The following FLNB variants were observed in gnomAD, a reference collection of about 807,000 sequenced individuals.
FLNB encodes the protein filamin-B.
Under a neutral mutation model 250.6 loss-of-function variants are expected in FLNB, and 111 were observed. The ratio of observed to expected loss-of-function variants is 0.44; its 90% CI spans 0.38 to 0.52. The LOEUF (loss-of-function observed/expected upper bound fraction) is 0.52. FLNB is among the 20% of genes least tolerant of loss of function. The pLI, the probability that FLNB is intolerant of heterozygous loss-of-function variation, is 0.00. For missense variants in FLNB, 2,869 were observed against 3,447.8 expected (o/e 0.83, Z 4.20); for synonymous variants, 1,302 against 1,372.1 (o/e 0.95, Z 1.13).
chr3:58,106,507 C>T (rs1455928093), intron 11 of FLNB, among the ~76,000 whole-genome samples, 173 bp from the exon 12 acceptor site: 1 of 151,320 alleles, frequency 6.6e-6, no homozygotes, highest in African/African-American at 2.4e-5. Flanking sequence ...CCACCCCTTC[C>T]ATCTCTACTG....
chr3:58,065,164 C>G (rs934685572), intron 1 of FLNB, among the ~76,000 whole-genome samples: 1 of 152,224 alleles, frequency 6.6e-6, no homozygotes, highest in African/African-American at 2.4e-5. Flanking sequence ...CATACGCTGC[C>G]TGTCCACCAT....
intron 5 of FLNB, among the ~76,000 whole-genome samples, chr3:58,095,685 G>A (rs756439022): frequency 3.3e-5 from 5 of 152,088 alleles, no homozygotes; most frequent in South Asian, 2.1e-4. Context: ...ACTTATTTTC[G>A]TAGGACCATA....
rs763982522 is a variant in FLNB, at chr3:58,111,837, A to G, written c.2531A>G (p.Asp844Gly). 1 of 1,614,182 alleles carries G rather than the reference A, an allele frequency of 6.2e-7. No homozygotes were observed. Among genetic ancestry groups the G allele is most frequent in the South Asian group, 1.1e-5 (1 of 91,088 alleles). Residue 844 changes from aspartate (D) to glycine (G), a missense_variant, in exon 17 of 46, where the codon GAT (aspartate) becomes GGT (glycine). Physicochemically the swap from Asp to Gly is moderately conservative, Grantham distance 94. Coordinates refer to ENST00000295956, the MANE Select transcript of FLNB (RefSeq NM_001457.4). ...AGAGTCAAAGTTGACCCTTCCCACG[A>G]TGCCAGCAAAGTGAAGGCAGAAGGC... ...PFRVKVDPSHDASKVKAEGPG... is the reference protein window; with the variant it reads ...PFRVKVDPSHGASKVKAEGPG...
intron 1 of FLNB, among the ~76,000 whole-genome samples, chr3:58,048,891 G>A (rs760535192): frequency 5.9e-5 from 9 of 152,028 alleles, no homozygotes; most frequent in Non-Finnish European, 8.8e-5. Flanking sequence ...TTTAAACATT[G>A]GCTTTTACAG....
chr3:58,044,999 T>C (rs763032134), intron 1 of FLNB, among the ~76,000 whole-genome samples: 1 of 152,228 alleles, frequency 6.6e-6, no homozygotes, highest in Non-Finnish European at 1.5e-5. Flanking sequence ...CTGTGGAGTT[T>C]TGTCCACTGT....
chr3:58,103,764 A>C lies in FLNB; in HGVS notation c.1484-195A>C, dbSNP rs74712521. On this transcript the variant is annotated intron_variant, in intron 9 of 45. Transcript: ENST00000295956. Reference sequence around the variant, plus strand: ...TCCATTTCCTCATACCTTGAAGCAGAGATGGCTGTGTTTTTAGCTTTGAAA... The same window carrying C: ...TCCATTTCCTCATACCTTGAAGCAGCGATGGCTGTGTTTTTAGCTTTGAAA... 0.013 allele frequency among the ~76,000 whole-genome samples: 1,972 copies of C among 152,272 alleles called. 43 individuals carry two copies. The highest frequency in any genetic ancestry group is 0.054 in the East Asian group (279 of 5,180).
intron 1 of FLNB, among the ~76,000 whole-genome samples, chr3:58,046,425 T>C (rs1443895584): frequency 2.0e-5 from 3 of 152,022 alleles, no homozygotes; most frequent in Non-Finnish European, 4.4e-5. Context: ...CACAGAATTA[T>C]GCAACTATCA....
chr3:58,145,788 C>T lies in FLNB; in HGVS notation c.5426-133C>T, dbSNP rs7355798. 257,014 of 1,070,950 alleles carry T rather than the reference C, an allele frequency of 0.24. 33,069 individuals carry two copies. Among genetic ancestry groups the T allele is most frequent in the Middle Eastern group, 0.35 (1,580 of 4,572 alleles). 66.3% of individuals were successfully genotyped at this position (1,070,950 alleles called of 1,614,324 possible). ...GGGATGGGAGGTGCATGTGCATCTCCTTCTGTCTCTTCATGCCTCTGCTTA... is the reference window on the plus strand; with the variant it reads ...GGGATGGGAGGTGCATGTGCATCTCTTTCTGTCTCTTCATGCCTCTGCTTA... On this transcript the variant is annotated intron_variant, in intron 32 of 45. Transcript: ENST00000295956.
At chr3:58,083,492 G>A (rs1031941650) in intron 4 of FLNB, among the ~76,000 whole-genome samples, 13 of 149,790 alleles carry the variant, frequency 8.7e-5, no homozygotes, top group African/African-American at 2.7e-4. Context: ...TCAGCCTCCC[G>A]AGTAGCTGGG....
intron 1 of FLNB, among the ~76,000 whole-genome samples, chr3:58,015,315 G>C (rs2097104319): frequency 6.6e-6 from 1 of 152,132 alleles, no homozygotes; most frequent in African/African-American, 2.4e-5. Context: ...TGTGCTTTTG[G>C]ACCCAAGTCC....
In FLNB at chr3:58,123,538, C is replaced by A. The variant is rs773392236; in HGVS notation, c.3572C>A (p.Ala1191Glu). ...CAGAACAACAAAGATGGCACCTACGCGGTGACCTACGTGCCCCTGACGGCC... is the reference window on the plus strand; with the variant it reads ...CAGAACAACAAAGATGGCACCTACGAGGTGACCTACGTGCCCCTGACGGCC... ...SIQNNKDGTY[A>E]VTYVPLTAGM... is the part of the protein sequence containing the mutation. Residue 1191 changes from alanine to glutamate, a missense_variant, in exon 21 of 46, where the codon GCG (alanine) becomes GAG (glutamate). Transcript: ENST00000295956. 1 of 1,607,590 alleles carries A rather than the reference C, an allele frequency of 6.2e-7. No homozygotes were observed.
At chr3:58,138,164 G>A (rs955843339) in intron 28 of FLNB, 118 bp from the exon 29 acceptor site, 1 of 1,323,312 alleles carries the variant, frequency 7.6e-7, no homozygotes, top group African/African-American at 1.4e-5. Context: ...CCTCTGAATG[G>A]CAGCAGTTGG....
At chr3:58,100,373 A>AAATATATATATAT in intron 8 of FLNB, among the ~76,000 whole-genome samples, 9 of 104,346 alleles carry the variant, frequency 8.6e-5, no homozygotes, top group African/African-American at 2.7e-4. Flanking sequence ...GTAAAAAAAA[A>AAATATATATATAT]ATATATATAT....
At chr3:58,058,791 GTCTTCCTTTCTT>G (rs2097173963) in intron 1 of FLNB, among the ~76,000 whole-genome samples, 1 of 152,140 alleles carries the variant, frequency 6.6e-6, no homozygotes, top group Non-Finnish European at 1.5e-5. Context: ...CTTATTTCCT[GTCTTCCTTTCTT>G]TCTGTGTGTT....
At chr3:58,122,737 T>C (rs2097291197) in intron 20 of FLNB, among the ~76,000 whole-genome samples, 1 of 152,186 alleles carries the variant, frequency 6.6e-6, no homozygotes, top group Non-Finnish European at 1.5e-5. Context: ...AGCCCTTCCA[T>C]GAGCCCTCAA....
At chr3:58,065,991 T>C (rs1228651776) in intron 1 of FLNB, among the ~76,000 whole-genome samples, 1 of 152,140 alleles carries the variant, frequency 6.6e-6, no homozygotes, top group African/African-American at 2.4e-5. Flanking sequence ...CCTGAGCCTC[T>C]TGGGGGCTGG....
chr3:58,109,881 T>G, intron 15 of FLNB, 129 bp from the exon 16 acceptor site: 1 of 1,429,412 alleles, frequency 7.0e-7, no homozygotes, highest in Non-Finnish European at 9.9e-7. Flanking sequence ...CCCCAAATCC[T>G]TACTCTTTCT....
chr3:58,132,224 T>C, intron 25 of FLNB: 2 of 576,562 alleles, frequency 3.5e-6, no homozygotes. Flanking sequence ...GCCTTGATTA[T>C]GTTTTAGCAT....
In FLNB at chr3:58,098,819, A is replaced by G; in HGVS notation, c.1256A>G (p.Lys419Arg). 6.2e-7 allele frequency: 1 copy of G among 1,614,158 alleles called. No individual in the cohort carries two copies. Among genetic ancestry groups the G allele is most frequent in the East Asian group, 2.2e-5 (1 of 44,884 alleles). ...KGNQVYRCVY[K>R]PMQPGPHVVK... ...AACCAGGTGTATCGATGTGTGTACAAACCCATGCAGCCTGGCCCTCACGTG... is the reference window on the plus strand; with the variant it reads ...AACCAGGTGTATCGATGTGTGTACAGACCCATGCAGCCTGGCCCTCACGTG... The change falls in exon 8 of 46, where the codon AAA (lysine) becomes AGA (arginine). Residue 419 changes from lysine (K) to arginine (R), a missense_variant. Lys to Arg is a conservative substitution (Grantham distance 26). This residue lies in a region of FLNB where 1,348 missense variants were observed against 1,466.7 expected (regional missense o/e 0.92). Coordinates refer to ENST00000295956, the MANE Select transcript of FLNB (RefSeq NM_001457.4).
Sources: gnomAD v4.1 joint callset for allele counts (sites outside exome capture counted in the v4.1 genomes callset) on GRCh38, gnomAD v4.1.1 for gene constraint, gnomAD v4.1.1 regional missense constraint, MANE v1.5 for transcripts, NCBI Gene and HGNC (gene_info 2026-07-23, HGNC 2026-07-21) for gene names.